Variants in RBM47 observed in about 807,000 individuals in gnomAD.
RBM47 encodes the protein RNA-binding protein 47.
A neutral mutation model predicts 47.1 loss-of-function variants in RBM47; 21 were observed. The ratio of observed to expected loss-of-function variants is 0.45; its 90% CI spans 0.32 to 0.64. The LOEUF (loss-of-function observed/expected upper bound fraction) is 0.64, where lower values mean the gene tolerates loss of function less well. RBM47 is among the 30% of genes least tolerant of loss of function. The pLI is 0.05. For synonymous variants in RBM47, 375 were observed against 361.7 expected (o/e 1.04, Z -0.42); for missense variants, 708 against 870.9 (o/e 0.81, Z 2.35).
At chr4:40,437,698 G>A (rs920675288) in intron 4 of RBM47, 73 bp downstream of exon 4, 4 of 1,428,712 alleles carry the variant, frequency 2.8e-6, no homozygotes, top group African/African-American at 1.4e-5. Context: ...TGCCAGCCAC[G>A]GTATCCCTGG....
chr4:40,540,696 G>GA (rs1162729597), intron 2 of RBM47, among the ~76,000 whole-genome samples: 9 of 147,290 alleles, frequency 6.1e-5, no homozygotes, highest in Non-Finnish European at 1.0e-4. Context: ...GAATAATGGG[G>GA]AAAAAACCCT....
At position 40,450,983 on chromosome 4, in the gene RBM47, A is replaced by G. The variant is rs549966230; in HGVS notation, c.-31-12059T>C. Reference sequence around the variant, plus strand: ...CACACATGGTAGGTACTTTTTAAATAGAGAAGAAGTTGTTATTTTCTACAG... The same window carrying G: ...CACACATGGTAGGTACTTTTTAAATGGAGAAGAAGTTGTTATTTTCTACAG... On this transcript the variant is annotated intron_variant, in intron 3 of 6. Coordinates refer to ENST00000295971, the MANE Select transcript of RBM47 (RefSeq NM_001098634.2). Among the ~76,000 whole-genome samples, 3 of 152,306 alleles carry G rather than the reference A, an allele frequency of 2.0e-5. No individual in the cohort carries two copies. The East Asian group carries it at 5.8e-4, about 29-fold the overall frequency.
At chr4:40,556,411 CA>C (rs570887841) in intron 1 of RBM47, among the ~76,000 whole-genome samples, 16 of 151,892 alleles carry the variant, frequency 1.1e-4, no homozygotes, top group Non-Finnish European at 1.8e-4. Context: ...TGCAGTAGGT[CA>C]TGCCTGTAAT....
At chr4:40,534,114 C>T (rs933264417) in intron 2 of RBM47, among the ~76,000 whole-genome samples, 2 of 152,008 alleles carry the variant, frequency 1.3e-5, no homozygotes, top group African/African-American at 2.4e-5. Flanking sequence ...CCATGCCTGG[C>T]GCCTGGCTAA....
At chr4:40,551,347 C>T (rs1032359385) in intron 1 of RBM47, among the ~76,000 whole-genome samples, 25 of 152,156 alleles carry the variant, frequency 1.6e-4, no homozygotes, top group Non-Finnish European at 1.8e-4. Flanking sequence ...GTGGAATCAG[C>T]ATATCAGAAG....
intron 1 of RBM47, among the ~76,000 whole-genome samples, chr4:40,588,688 G>C (rs963879998): frequency 4.6e-5 from 7 of 152,078 alleles, no homozygotes; most frequent in Admixed American, 4.6e-4. Flanking sequence ...GGTTAGTCTT[G>C]GGGTGTAGTA....
intron 4 of RBM47, 38 bp from the exon 5 acceptor site, chr4:40,436,685 A>G (rs1405561028): frequency 1.3e-6 from 2 of 1,596,618 alleles, no homozygotes; most frequent in African/African-American, 2.7e-5. Flanking sequence ...AGCAACCAAC[A>G]GTGACGGTGC....
intron 2 of RBM47, among the ~76,000 whole-genome samples, chr4:40,510,257 G>T (rs4861193): frequency 3.3e-5 from 5 of 151,116 alleles, no homozygotes; most frequent in Admixed American, 3.3e-4. Flanking sequence ...CAATAGCTTC[G>T]GGGACCATTG....
At chr4:40,522,322 T>C (rs753722243) in intron 2 of RBM47, among the ~76,000 whole-genome samples, 2 of 152,128 alleles carry the variant, frequency 1.3e-5, no homozygotes, top group Non-Finnish European at 2.9e-5. Context: ...CTTTCCAACA[T>C]GGTGAAGCCC....
chr4:40,562,776 CTTTCTG>C (rs1003430922), intron 1 of RBM47, among the ~76,000 whole-genome samples: 6 of 152,122 alleles, frequency 3.9e-5, no homozygotes, highest in Admixed American at 3.9e-4. Context: ...GAAATATTTC[CTTTCTG>C]TTTCTGACTA....
intron 1 of RBM47, among the ~76,000 whole-genome samples, chr4:40,585,013 G>C (rs1040243743): frequency 6.6e-6 from 1 of 152,194 alleles, no homozygotes; most frequent in African/African-American, 2.4e-5. Flanking sequence ...TGCACAACCT[G>C]TGGCTGAAAA....
At chr4:40,489,643 T>C (rs1721586129) in intron 2 of RBM47, among the ~76,000 whole-genome samples, 1 of 152,202 alleles carries the variant, frequency 6.6e-6, no homozygotes, top group Non-Finnish European at 1.5e-5. Context: ...AATATCTGAA[T>C]AGACTTATAA....
intron 1 of RBM47, among the ~76,000 whole-genome samples, chr4:40,609,963 A>G (rs1186781237): frequency 6.6e-6 from 1 of 152,028 alleles, no homozygotes; most frequent in Non-Finnish European, 1.5e-5. Context: ...GTGGTGCCGC[A>G]TGCCTGTAAT....
Position 40,438,019 on chromosome 4 carries a change from T to C in RBM47, c.875A>G (p.Glu292Gly). The C allele has an allele frequency of 6.2e-7, 1 of 1,613,654 alleles. No homozygotes were observed. Among genetic ancestry groups the C allele is most frequent in the Non-Finnish European group, 8.5e-7 (1 of 1,180,022 alleles). ...DYAFVHFTSR[E>G]DAVHAMNNLN... The stretch of plus-strand genomic sequence containing the variant: ...GTTGTTCATGGCATGCACGGCATCC[T>C]CGCGGCTGGTGAAGTGCACGAAGGC... Residue 292 changes from glutamate (E) to glycine (G), a missense_variant, in exon 4 of 7, where the codon GAG (glutamate) becomes GGG (glycine). Physicochemically the swap from Glu to Gly is moderately conservative, Grantham distance 98. Transcript: ENST00000295971.
At chr4:40,591,463 A>C (rs1734127108) in intron 1 of RBM47, among the ~76,000 whole-genome samples, 2 of 152,100 alleles carry the variant, frequency 1.3e-5, no homozygotes, top group Admixed American at 6.6e-5. Context: ...TGGGAGGGTT[A>C]CTTGAGGTCA....
At chr4:40,595,765 C>G (rs1734695754) in intron 1 of RBM47, among the ~76,000 whole-genome samples, 1 of 151,840 alleles carries the variant, frequency 6.6e-6, no homozygotes, top group Non-Finnish European at 1.5e-5. Context: ...ATTAGCCAGG[C>G]ATGGTGGCGT....
At chr4:40,504,462 T>C (rs577210365) in intron 2 of RBM47, among the ~76,000 whole-genome samples, 44 of 152,100 alleles carry the variant, frequency 2.9e-4, no homozygotes, top group Middle Eastern at 3.4e-3. Context: ...GACTAATCTT[T>C]TTGTATTTTT....
chr4:40,539,739 CAAAAAAAAAAAAAAAAA>C (rs56005602), intron 2 of RBM47, among the ~76,000 whole-genome samples: 2 of 56,332 alleles, frequency 3.6e-5, no homozygotes, highest in East Asian at 6.2e-4. Context: ...GACTCTGTCT[CAAAAAAAAAAAAAAAAA>C]AAAAAAAAAA....
intron 1 of RBM47, among the ~76,000 whole-genome samples, chr4:40,591,384 A>G (rs1274309370): frequency 6.6e-6 from 1 of 152,180 alleles, no homozygotes; most frequent in East Asian, 1.9e-4. Flanking sequence ...CATCTGGGAT[A>G]AGAAAATCAG....
Sources: gnomAD v4.1 joint callset for allele counts (sites outside exome capture counted in the v4.1 genomes callset) on GRCh38, gnomAD v4.1.1 for gene constraint, MANE v1.5 for transcripts, NCBI Gene and HGNC (gene_info 2026-07-23, HGNC 2026-07-21) for gene names.